The following NOL4 variants were observed in gnomAD, a reference collection of about 807,000 sequenced individuals.
The protein encoded by NOL4 is nucleolar protein 4.
A neutral mutation model predicts 75.9 loss-of-function variants in NOL4; 17 were observed. The observed-to-expected ratio is 0.22, with a 90% CI of 0.15 to 0.34. The LOEUF (loss-of-function observed/expected upper bound fraction) is 0.34, where lower values mean the gene tolerates loss of function less well. Ranked by LOEUF, NOL4 falls within the 10% of genes least tolerant of loss-of-function variation. The pLI, the probability that NOL4 is intolerant of heterozygous loss-of-function variation, is 1.00. For synonymous variants in NOL4, 292 were observed against 289.9 expected (o/e 1.01, Z -0.07); for missense variants, 614 against 793.5 (o/e 0.77, Z 2.72).
rs558564922 is a variant in NOL4, at chr18:34,036,632, A to C, written c.773-17031T>G. Among the ~76,000 whole-genome samples, 5 of 152,308 alleles carry C rather than the reference A, an allele frequency of 3.3e-5. No homozygotes were observed. The East Asian group carries it at 9.6e-4, about 29-fold the overall frequency. On this transcript the variant is annotated intron_variant, in intron 5 of 10. Coordinates refer to ENST00000261592, the MANE Select transcript of NOL4 (RefSeq NM_003787.5). ...AGGCAATGAGGCAATAGCAATAAAT[A>C]AATGGCATCAGCCCAGCACAGTGTC...
At chr18:34,184,669 AT>A (rs796856016) in intron 1 of NOL4, among the ~76,000 whole-genome samples, 70 of 152,256 alleles carry the variant, frequency 4.6e-4, no homozygotes, top group African/African-American at 1.6e-3. Flanking sequence ...TGATATGGAA[AT>A]AAAAGCTCCT....
At chr18:34,136,593 C>T (rs1262372519) in intron 1 of NOL4, among the ~76,000 whole-genome samples, 1 of 151,846 alleles carries the variant, frequency 6.6e-6, no homozygotes, top group Non-Finnish European at 1.5e-5. Context: ...GGTTTCAAAA[C>T]ACTAAAATAC....
At chr18:33,921,437 C>T (rs2067030100) in intron 9 of NOL4, among the ~76,000 whole-genome samples, 1 of 152,134 alleles carries the variant, frequency 6.6e-6, no homozygotes, top group South Asian at 2.1e-4. Flanking sequence ...TGTTGAAGTC[C>T]TAATCCCTGA....
At chr18:34,015,791 A>G (rs1413887358) in intron 6 of NOL4, among the ~76,000 whole-genome samples, 2 of 152,040 alleles carry the variant, frequency 1.3e-5, no homozygotes, top group Non-Finnish European at 1.5e-5. Context: ...ACACGTCAAA[A>G]CCTGCTTCTT....
rs191305069 is a variant in NOL4, at chr18:34,123,344, C to T, written c.414+6527G>A. Among the ~76,000 whole-genome samples the T allele has an allele frequency of 3.5e-4, 53 of 151,440 alleles. 1 individual carries two copies. Among genetic ancestry groups the T allele is most frequent in the African/African-American group, 1.2e-3 (50 of 41,432 alleles). On this transcript the variant is annotated intron_variant, in intron 2 of 10. Transcript: ENST00000261592. Reference sequence around the variant, plus strand: ...CTGTTTCCTTCTGAGATGTTGTACACATCTGACAATAATCTGAATAATATT... The same window carrying T: ...CTGTTTCCTTCTGAGATGTTGTACATATCTGACAATAATCTGAATAATATT...
chr18:34,137,779 T>TACACACACACACAC lies in NOL4; in HGVS notation c.265-7773_265-7760dup, dbSNP rs1156472289. ...AAGCCAAAATCATGTATATACGAAA[T>TACACACACACACAC]ACACACACACACACACACACACACA... On this transcript the variant is annotated intron_variant, in intron 1 of 10. Coordinates refer to ENST00000261592, the MANE Select transcript of NOL4 (RefSeq NM_003787.5). 7.1e-3 allele frequency among the ~76,000 whole-genome samples: 1,038 copies of TACACACACACACAC among 147,128 alleles called. 6 individuals carry two copies. The highest frequency in any genetic ancestry group is 9.1e-3 in the Non-Finnish European group (606 of 66,832).
At chr18:33,997,758 A>G (rs990116073) in intron 6 of NOL4, among the ~76,000 whole-genome samples, 2 of 150,222 alleles carry the variant, frequency 1.3e-5, no homozygotes, top group African/African-American at 2.4e-5. Context: ...TACTCCATAT[A>G]TGTAGAAATA....
At chr18:34,015,424 C>T (rs1242703531) in intron 6 of NOL4, among the ~76,000 whole-genome samples, 1 of 151,952 alleles carries the variant, frequency 6.6e-6, no homozygotes, top group Non-Finnish European at 1.5e-5. Context: ...CTAAGGATCG[C>T]TTAGTTTAAC....
At chr18:33,950,433 C>T (rs1213272884) in intron 8 of NOL4, among the ~76,000 whole-genome samples, 1 of 152,048 alleles carries the variant, frequency 6.6e-6, no homozygotes, top group East Asian at 1.9e-4. Flanking sequence ...CTAATTTCTA[C>T]CACAAAGAAG....
At position 34,014,431 on chromosome 18, in the gene NOL4, T is replaced by C. The variant is rs371595519; in HGVS notation, c.1056+4887A>G. On this transcript the variant is annotated intron_variant, in intron 6 of 10. Coordinates refer to ENST00000261592, the MANE Select transcript of NOL4 (RefSeq NM_003787.5). ...CTTCAGAATATTTAACCATATAAAG[T>C]AAAATGCAGCTGGGTTACAAATACT... 1.5e-4 allele frequency among the ~76,000 whole-genome samples: 23 copies of C among 152,012 alleles called. No individual in the cohort carries two copies. The East Asian group carries it at 2.1e-3, about 14-fold the overall frequency.
intron 1 of NOL4, among the ~76,000 whole-genome samples, chr18:34,149,191 A>G (rs2081538057): frequency 6.6e-6 from 1 of 151,658 alleles, no homozygotes; most frequent in Non-Finnish European, 1.5e-5. Flanking sequence ...GAAAATAAAA[A>G]TTAGGTTGAG....
chr18:33,868,048 T>C (rs1186560768), intron 10 of NOL4, among the ~76,000 whole-genome samples: 2 of 151,894 alleles, frequency 1.3e-5, no homozygotes, highest in African/African-American at 2.4e-5. Flanking sequence ...TTTATCTTTT[T>C]TTTTTTTTTG....
At chr18:33,864,227 A>G (rs2144350742) in intron 10 of NOL4, among the ~76,000 whole-genome samples, 1 of 152,312 alleles carries the variant, frequency 6.6e-6, no homozygotes, top group South Asian at 2.1e-4. Context: ...TGGTATTGAC[A>G]TTCTGCTCCT....
chr18:33,953,102 G>A (rs563763725), intron 8 of NOL4, among the ~76,000 whole-genome samples: 1 of 151,878 alleles, frequency 6.6e-6, no homozygotes, highest in South Asian at 2.1e-4. Context: ...AGCATTCTAG[G>A]TAGGAAGGGA....
At chr18:33,920,149 G>A (rs904067196) in intron 9 of NOL4, among the ~76,000 whole-genome samples, 1 of 151,890 alleles carries the variant, frequency 6.6e-6, no homozygotes. Context: ...TTTTTATATA[G>A]TATGTATGAG....
In NOL4 at chr18:34,047,825, G is replaced by A. The variant is rs191379470; in HGVS notation, c.773-28224C>T. 1.4e-4 allele frequency among the ~76,000 whole-genome samples: 22 copies of A among 152,090 alleles called. No homozygotes were observed. In the East Asian group the frequency reaches 1.9e-3, roughly 13 times the overall value. On this transcript the variant is annotated intron_variant, in intron 5 of 10. Transcript: ENST00000261592. ...CCCCAGAACAAAATCCATCTGAGGC[G>A]ATCAACAAAAAATCCTGAAAGGTAT...
At chr18:34,205,957 C>G (rs1398471000) in intron 1 of NOL4, among the ~76,000 whole-genome samples, 2 of 152,120 alleles carry the variant, frequency 1.3e-5, no homozygotes, top group Non-Finnish European at 2.9e-5. Flanking sequence ...GACATTTTAT[C>G]TTTAATATTA....
At chr18:34,194,798 G>A (rs984645019) in intron 1 of NOL4, among the ~76,000 whole-genome samples, 3 of 152,104 alleles carry the variant, frequency 2.0e-5, no homozygotes, top group Non-Finnish European at 4.4e-5. Flanking sequence ...GCCGAGGTGG[G>A]TGGATCACCT....
intron 6 of NOL4, among the ~76,000 whole-genome samples, chr18:34,010,293 T>G (rs138357225): frequency 6.6e-6 from 1 of 151,936 alleles, no homozygotes; most frequent in Non-Finnish European, 1.5e-5. Context: ...TCACTTAACA[T>G]GTCCTTCAGT....
Sources: gnomAD v4.1 joint callset for allele counts (sites outside exome capture counted in the v4.1 genomes callset) on GRCh38, gnomAD v4.1.1 for gene constraint, MANE v1.5 for transcripts, NCBI Gene and HGNC (gene_info 2026-07-23, HGNC 2026-07-21) for gene names.